The following TMEM108 variants were observed in gnomAD, a reference collection of about 807,000 sequenced individuals.
The protein encoded by TMEM108 is cancer/testis antigen 124.
TMEM108 carries 12 observed loss-of-function variants against 35.1 expected under a neutral mutation model. That is an observed-to-expected ratio of 0.34 (90% CI 0.22 to 0.55). The LOEUF is 0.55. TMEM108 is among the 20% of genes least tolerant of loss of function. TMEM108 has a pLI of 0.89. For synonymous variants in TMEM108, 287 were observed against 308.6 expected, an observed-to-expected ratio of 0.93 and a Z score of 0.73; for missense variants, 680 against 753.3, an observed-to-expected ratio of 0.90 and a Z score of 1.14.
chr3:133,181,698 C>T (rs774189309), intron 2 of TMEM108, among the ~76,000 whole-genome samples: 20 of 152,102 alleles, frequency 1.3e-4, no homozygotes, highest in Non-Finnish European at 2.5e-4. Context: ...AAAATTTTAG[C>T]AGACGAGATT....
chr3:133,295,598 C>T (rs962446255), intron 3 of TMEM108, among the ~76,000 whole-genome samples: 2 of 152,106 alleles, frequency 1.3e-5, no homozygotes, highest in Admixed American at 1.3e-4. Flanking sequence ...CAGTGACTTG[C>T]CCAAAAGCAT....
chr3:133,072,143 C>G (rs1227644622), intron 2 of TMEM108, among the ~76,000 whole-genome samples: 3 of 152,048 alleles, frequency 2.0e-5, no homozygotes, highest in Non-Finnish European at 4.4e-5. Context: ...TTTCTGGGCT[C>G]TCTATTCCAT....
intron 2 of TMEM108, among the ~76,000 whole-genome samples, chr3:133,185,390 T>C (rs1231417538): frequency 1.3e-5 from 2 of 151,966 alleles, no homozygotes; most frequent in Non-Finnish European, 2.9e-5. Context: ...TCCCTCTGCC[T>C]CTTACCCTGC....
intron 3 of TMEM108, among the ~76,000 whole-genome samples, chr3:133,375,731 G>T (rs1209862650): frequency 6.6e-6 from 1 of 152,208 alleles, no homozygotes; most frequent in Non-Finnish European, 1.5e-5. Context: ...TATTTGGCTA[G>T]CACAACATTG....
intron 1 of TMEM108, among the ~76,000 whole-genome samples, chr3:133,039,291 C>A (rs186443792): frequency 2.6e-5 from 4 of 152,258 alleles, no homozygotes; most frequent in Admixed American, 2.6e-4. Flanking sequence ...GTAGTTTCTG[C>A]AAACAGGTTT....
At chr3:133,365,837 C>A (rs2107802916) in intron 3 of TMEM108, among the ~76,000 whole-genome samples, 1 of 152,286 alleles carries the variant, frequency 6.6e-6, no homozygotes, top group South Asian at 2.1e-4. Flanking sequence ...ATCTGTTTGT[C>A]ATCTCCAAGG....
At chr3:133,038,916 A>G (rs779220333) in intron 1 of TMEM108, among the ~76,000 whole-genome samples, 3 of 152,198 alleles carry the variant, frequency 2.0e-5, no homozygotes, top group Admixed American at 6.5e-5. Flanking sequence ...CCGAATTCCT[A>G]GCGCAGCTGT....
At chr3:133,354,437 G>A (rs1365219048) in intron 3 of TMEM108, among the ~76,000 whole-genome samples, 2 of 152,174 alleles carry the variant, frequency 1.3e-5, no homozygotes, top group African/African-American at 2.4e-5. Context: ...ACATTGAATC[G>A]CTCAGCCCCA....
chr3:133,052,557 A>AT (rs1362802527), intron 2 of TMEM108, among the ~76,000 whole-genome samples: 5 of 150,748 alleles, frequency 3.3e-5, no homozygotes, highest in African/African-American at 7.3e-5. Flanking sequence ...AAAAAAAAAA[A>AT]GTAGTGACAG....
At chr3:133,301,400 A>T (rs925698021) in intron 3 of TMEM108, among the ~76,000 whole-genome samples, 2 of 152,170 alleles carry the variant, frequency 1.3e-5, no homozygotes, top group African/African-American at 4.8e-5. Context: ...AGCTCACCTC[A>T]TAGGTTTAAC....
intron 3 of TMEM108, among the ~76,000 whole-genome samples, chr3:133,343,875 G>C (rs1176039826): frequency 6.6e-6 from 1 of 151,864 alleles, no homozygotes; most frequent in Non-Finnish European, 1.5e-5. Context: ...TTGGACTGCA[G>C]ACTGGGGAAA....
At chr3:133,120,553 C>T (rs748003169) in intron 2 of TMEM108, among the ~76,000 whole-genome samples, 4 of 152,184 alleles carry the variant, frequency 2.6e-5, no homozygotes, top group Non-Finnish European at 2.9e-5. Context: ...AACTAGACCA[C>T]TATTACAACA....
chr3:133,047,528 GC>G lies in TMEM108; in HGVS notation c.-47+1510del, dbSNP rs1381396593. On this transcript the variant is annotated intron_variant, in intron 2 of 5. Coordinates refer to ENST00000321871, the MANE Select transcript of TMEM108 (RefSeq NM_023943.4). ...CTTACACTATTTATTGACACTTTGAGCCAGGCAATTCTTGTGTGGAGTGTCC... is the reference window on the plus strand; with the variant it reads ...CTTACACTATTTATTGACACTTTGAGCAGGCAATTCTTGTGTGGAGTGTCC... Among the ~76,000 whole-genome samples, 53 of 152,150 alleles carry G rather than the reference GC, an allele frequency of 3.5e-4. 1 individual carries two copies. Among genetic ancestry groups the G allele is most frequent in the African/African-American group, 1.2e-3 (48 of 41,498 alleles).
At chr3:133,094,233 A>ACCCCCCCCCCCCCC (rs1414247366) in intron 2 of TMEM108, among the ~76,000 whole-genome samples, 1 of 23,330 alleles carries the variant, frequency 4.3e-5, no homozygotes, top group African/African-American at 1.4e-4. Context: ...CCCACCCCCC[A>ACCCCCCCCCCCCCC]CCCCCCCCAC....
chr3:133,357,886 A>G (rs2072221751), intron 3 of TMEM108, among the ~76,000 whole-genome samples: 1 of 152,142 alleles, frequency 6.6e-6, no homozygotes, highest in African/African-American at 2.4e-5. Flanking sequence ...CCACTGTAGA[A>G]CTCATCCATG....
chr3:133,190,102 A>AG (rs1945477671), intron 2 of TMEM108, among the ~76,000 whole-genome samples: 1 of 151,932 alleles, frequency 6.6e-6, no homozygotes, highest in Non-Finnish European at 1.5e-5. Flanking sequence ...AAGGAAAAAA[A>AG]AAATCTCATC....
chr3:133,205,695 GGGT>G lies in TMEM108; in HGVS notation c.-46-23570_-46-23568del, dbSNP rs1206735058. Among the ~76,000 whole-genome samples, 3 of 152,106 alleles carry G rather than the reference GGGT, an allele frequency of 2.0e-5. No homozygotes were observed. The East Asian group carries it at 5.8e-4, about 29-fold the overall frequency. ...GCTAGTCTGATGCACTTCCCTTTGT[GGGT>G]AACCCGACCTTTCTTTCTGGCTGCC... On this transcript the variant is annotated intron_variant, in intron 2 of 5. Coordinates refer to ENST00000321871, the MANE Select transcript of TMEM108 (RefSeq NM_023943.4).
rs2071336976 is a variant in TMEM108, at chr3:133,326,636, G to A, written c.41-53116G>A. Among the ~76,000 whole-genome samples, 4 of 152,100 alleles carry A rather than the reference G, an allele frequency of 2.6e-5. No homozygotes were observed. In the South Asian group the frequency reaches 8.3e-4, roughly 32 times the overall value. ...AAGAGGTGGTGTCTATAGTGGGAGT[G>A]ACTGACATTTTCCTAGATCACATCT... On this transcript the variant is annotated intron_variant, in intron 3 of 5. Transcript: ENST00000321871.
At chr3:133,184,520 A>T (rs560459587) in intron 2 of TMEM108, among the ~76,000 whole-genome samples, 69 of 152,178 alleles carry the variant, frequency 4.5e-4, no homozygotes, top group African/African-American at 1.3e-3. Flanking sequence ...ACAGTTAAAA[A>T]TTTTTTTTAC....
Sources: allele counts gnomAD v4.1 joint callset (sites outside exome capture counted in the v4.1 genomes callset), GRCh38; gene constraint gnomAD v4.1.1; transcripts MANE v1.5; gene names NCBI Gene and HGNC (gene_info 2026-07-23, HGNC 2026-07-21).